OAF: variants seen among roughly 807,000 people sequenced by gnomAD.
OAF encodes the protein out at first protein homolog.
Under a neutral mutation model 22.5 loss-of-function variants are expected in OAF, and 13 were observed. That is an observed-to-expected ratio of 0.58 (90% CI 0.38 to 0.92). The LOEUF (loss-of-function observed/expected upper bound fraction) is 0.92, where lower values mean the gene tolerates loss of function less well. Among genes scored for constraint, OAF ranks in the 40% least tolerant of loss-of-function variants. The pLI, the probability that OAF is intolerant of heterozygous loss-of-function variation, is 0.00. For synonymous variants in OAF, 175 were observed against 170.5 expected, an observed-to-expected ratio of 1.03 and a Z score of -0.21; for missense variants, 347 against 381.8, an observed-to-expected ratio of 0.91 and a Z score of 0.76.
chr11:120,227,952 C>A (rs143299526), intron 3 of OAF, among the ~76,000 whole-genome samples: 234 of 152,226 alleles, frequency 1.5e-3, no homozygotes, highest in African/African-American at 5.5e-3. Context: ...CTAATCAGGC[C>A]GGTACCTTCC....
intron 1 of OAF, among the ~76,000 whole-genome samples, chr11:120,217,849 C>T (rs1272125982): frequency 1.3e-5 from 2 of 152,216 alleles, no homozygotes; most frequent in Non-Finnish European, 2.9e-5. Context: ...CACCGTTAAG[C>T]ATGTTGCTGC....
At chr11:120,221,697 G>A (rs551665421) in intron 1 of OAF, among the ~76,000 whole-genome samples, 4 of 152,278 alleles carry the variant, frequency 2.6e-5, no homozygotes, top group Admixed American at 6.5e-5. Context: ...CTATCCTAGA[G>A]CCTACCTACT....
chr11:120,222,754 A>G (rs1938296815), intron 1 of OAF, among the ~76,000 whole-genome samples: 1 of 151,972 alleles, frequency 6.6e-6, no homozygotes, highest in Non-Finnish European at 1.5e-5. Context: ...TCTACTAAAA[A>G]TACAAAAATT....
chr11:120,228,868 G>C lies in OAF; in HGVS notation c.548G>C (p.Gly183Ala). The change falls in exon 4 of 4, where the codon GGT (glycine) becomes GCT (alanine). Residue 183 changes from glycine to alanine, a missense_variant and splice_region_variant. By Grantham distance (60) the Gly-to-Ala change is moderately conservative. Coordinates refer to ENST00000328965, the MANE Select transcript of OAF (RefSeq NM_178507.4). ...QEDVRFWLEQ[G>A]VDSSVFEALP... ...CCTGATCCTTGCCTCTCTCCCCCAG[G>C]TGTGGACAGTTCTGTGTTCGAGGCT... 1.0e-6 allele frequency: 1 copy of C among 993,104 alleles called. No individual in the cohort carries two copies. The highest frequency in any genetic ancestry group is 1.4e-6 in the Non-Finnish European group (1 of 700,676). 61.5% of individuals were successfully genotyped at this position (993,104 alleles called of 1,614,324 possible). A position where few individuals can be genotyped will look rare whatever the true frequency, so the allele number is the denominator to read the frequency against.
In OAF at chr11:120,228,945, G is replaced by C; in HGVS notation, c.625G>C (p.Asp209His). The C allele has an allele frequency of 6.2e-7, 1 of 1,611,996 alleles. No individual in the cohort carries two copies. The highest frequency in any genetic ancestry group is 8.5e-7 in the Non-Finnish European group (1 of 1,179,810). ...GCTGCCTCGCTGCAGGCAGGTGGGGGACCACGGGAAGCCCTGCGTCTGCCG... is the reference window on the plus strand; with the variant it reads ...GCTGCCTCGCTGCAGGCAGGTGGGGCACCACGGGAAGCCCTGCGTCTGCCG... Reference protein sequence around the residue: ...AELPRCRQVGDHGKPCVCRYG... With the variant: ...AELPRCRQVGHHGKPCVCRYG... Residue 209 changes from aspartate (D) to histidine (H), a missense_variant, in exon 4 of 4, where the codon GAC becomes CAC. By Grantham distance (81) the Asp-to-His change is moderately conservative (BLOSUM62 -1). Transcript: ENST00000328965.
intron 1 of OAF, among the ~76,000 whole-genome samples, chr11:120,221,375 A>G (rs1938278114): frequency 6.6e-6 from 1 of 152,220 alleles, no homozygotes; most frequent in Admixed American, 6.5e-5. Context: ...CTAGAAGAGA[A>G]CAATCTCAAC....
intron 3 of OAF, 99 bp from the exon 4 acceptor site, chr11:120,228,769 A>T: frequency 1.1e-6 from 1 of 923,660 alleles, no homozygotes; most frequent in Non-Finnish European, 1.6e-6. Context: ...CTGTGGGATG[A>T]CAGAGGAGAC....
intron 3 of OAF, 47 bp from the exon 4 acceptor site, chr11:120,228,821 T>TTCCAGG: frequency 1.9e-6 from 1 of 520,280 alleles, no homozygotes. Flanking sequence ...GGGAGCTCCT[T>TTCCAGG]CCCTCCCTCC....
chr11:120,225,968 C>T, intron 2 of OAF, among the ~76,000 whole-genome samples, 173 bp downstream of exon 2: 1 of 152,110 alleles, frequency 6.6e-6, no homozygotes, highest in Non-Finnish European at 1.5e-5. Flanking sequence ...TCCTCATCTT[C>T]ACGCTGTTCC....
chr11:120,229,392 A>ACCGT lies in OAF; in HGVS notation c.*250_*251insCCGT. 1 of 501,526 alleles carries ACCGT rather than the reference A, an allele frequency of 2.0e-6. No homozygotes were observed. The highest frequency in any genetic ancestry group is 3.7e-6 in the Non-Finnish European group (1 of 272,950). The allele number at this position is 501,526 out of a possible 1,614,324, so 31.1% of individuals were successfully genotyped here. On this transcript the variant is annotated 3_prime_UTR_variant, in exon 4 of 4. Transcript: ENST00000328965. ...GCAGAGAGGGAGAGAAGGGCTCCCCAGATCTACACCCCTCCCTCCTGCATC... is the reference window on the plus strand; with the variant it reads ...GCAGAGAGGGAGAGAAGGGCTCCCCACCGTGATCTACACCCCTCCCTCCTGCATC...
intron 1 of OAF, chr11:120,213,663 C>G (rs1029535464): frequency 6.6e-6 from 1 of 152,398 alleles, no homozygotes; most frequent in Non-Finnish European, 1.5e-5. Flanking sequence ...ACAGCAGCTT[C>G]TATGTCCAGA....
At chr11:120,219,926 G>T (rs1240534198) in intron 1 of OAF, among the ~76,000 whole-genome samples, 1 of 152,204 alleles carries the variant, frequency 6.6e-6, no homozygotes, top group African/African-American at 2.4e-5. Context: ...CTGCACATTG[G>T]AGGCCAGTGG....
intron 1 of OAF, among the ~76,000 whole-genome samples, chr11:120,224,242 C>T (rs4372468): frequency 0.027 from 4,028 of 151,876 alleles, 71 homozygotes; most frequent in South Asian, 0.074. Flanking sequence ...GTAAGAGAAA[C>T]TCTGTAGAGT....
intron 1 of OAF, among the ~76,000 whole-genome samples, chr11:120,220,210 C>T (rs369441195): frequency 6.6e-4 from 100 of 152,208 alleles, no homozygotes; most frequent in African/African-American, 2.2e-3. Context: ...CTCATGTCAC[C>T]CCAGGCTCAA....
chr11:120,217,229 C>G (rs915735262), intron 1 of OAF: 6 of 152,312 alleles, frequency 3.9e-5, no homozygotes, highest in Non-Finnish European at 8.8e-5. Flanking sequence ...GCCTGCAACT[C>G]CTCTCTCCCC....
In OAF at chr11:120,221,048, T is replaced by C. The variant is rs754302523; in HGVS notation, c.232-4613T>C. Reference sequence around the variant, plus strand: ...ATGAGGAGTCCCTCACTGTGCGAAGTCTTCCCTCCCTCATGCCACCCCCAG... The same window carrying C: ...ATGAGGAGTCCCTCACTGTGCGAAGCCTTCCCTCCCTCATGCCACCCCCAG... On this transcript the variant is annotated intron_variant, in intron 1 of 3. Transcript: ENST00000328965. Among the ~76,000 whole-genome samples, 7 of 152,226 alleles carry C rather than the reference T, an allele frequency of 4.6e-5. No individual in the cohort carries two copies. In the South Asian group the frequency reaches 1.2e-3, roughly 27 times the overall value.
At chr11:120,226,714 TA>T in intron 2 of OAF, 101 bp from the exon 3 acceptor site, 2 of 1,105,706 alleles carry the variant, frequency 1.8e-6, no homozygotes, top group Non-Finnish European at 2.6e-6. Context: ...CCCAGCGTTC[TA>T]AAGGCAGTCA....
rs368374827 is a variant in OAF, at chr11:120,229,029, C to T, written c.709C>T (p.Arg237Trp). ...CMLKYCHSRD[R>W]PTPYKCGIRS... ...GCTCAAGTACTGCCACAGCCGCGAC[C>T]GGCCCACGCCCTACAAGTGTGGCAT... The change falls in exon 4 of 4, where the codon CGG (arginine) becomes TGG (tryptophan). Residue 237 changes from arginine (R) to tryptophan (W), a missense_variant. Physicochemically the swap from Arg to Trp is moderately radical, Grantham distance 101 (BLOSUM62 -3). Transcript: ENST00000328965. The T allele has an allele frequency of 7.9e-5, 127 of 1,613,654 alleles. 2 individuals are homozygous for T. The highest frequency in any genetic ancestry group is 3.0e-4 in the South Asian group (27 of 91,084).
rs577830188 is a variant in OAF, at chr11:120,222,271, G to A, written c.232-3390G>A. Among the ~76,000 whole-genome samples, 11 of 152,312 alleles carry A rather than the reference G, an allele frequency of 7.2e-5. No homozygotes were observed. The South Asian group carries it at 2.1e-3, about 29-fold the overall frequency. ...ATGTGCTTTTCTGGGGAAATAGGAC[G>A]AAAGGGCCGGGCGCAGTGGCTCACA... On this transcript the variant is annotated intron_variant, in intron 1 of 3. Coordinates refer to ENST00000328965, the MANE Select transcript of OAF (RefSeq NM_178507.4).
Sources: gnomAD v4.1 joint callset for allele counts (sites outside exome capture counted in the v4.1 genomes callset) on GRCh38, gnomAD v4.1.1 for gene constraint, MANE v1.5 for transcripts, NCBI Gene and HGNC (gene_info 2026-07-23, HGNC 2026-07-21) for gene names.